The following MARCHF11 variants were observed in gnomAD, a reference collection of about 807,000 sequenced individuals.
MARCHF11 encodes the protein E3 ubiquitin-protein ligase MARCHF11.
A neutral mutation model predicts 37.3 loss-of-function variants in MARCHF11; 29 were observed. That is an observed-to-expected ratio of 0.78 (90% confidence interval 0.58 to 1.06). MARCHF11 has a LOEUF of 1.06. Ranked by LOEUF, MARCHF11 falls within the 50% of genes least tolerant of loss-of-function variation. The pLI is 0.00. For synonymous variants in MARCHF11, 233 were observed against 228.0 expected (o/e 1.02, Z -0.20); for missense variants, 482 against 533.4 (o/e 0.90, Z 0.95).
At chr5:16,138,233 C>G (rs1284934103) in intron 2 of MARCHF11, among the ~76,000 whole-genome samples, 1 of 152,126 alleles carries the variant, frequency 6.6e-6, no homozygotes, top group Non-Finnish European at 1.5e-5. Context: ...GCTCAGGGCC[C>G]CCTACTGTGT....
intron 2 of MARCHF11, among the ~76,000 whole-genome samples, chr5:16,143,712 CAA>C (rs1304220370): frequency 6.6e-6 from 1 of 152,196 alleles, no homozygotes; most frequent in Admixed American, 6.5e-5. Flanking sequence ...TATGCAAGGT[CAA>C]AGAGCAAAAG....
intron 2 of MARCHF11, among the ~76,000 whole-genome samples, chr5:16,116,805 T>C (rs989847596): frequency 6.6e-6 from 1 of 152,212 alleles, no homozygotes; most frequent in African/African-American, 2.4e-5. Flanking sequence ...GGAAAATGCA[T>C]GAACAGCATC....
At chr5:16,159,046 T>C (rs1185963900) in intron 2 of MARCHF11, among the ~76,000 whole-genome samples, 1 of 151,910 alleles carries the variant, frequency 6.6e-6, no homozygotes, top group African/African-American at 2.4e-5. Flanking sequence ...CCACAGTGTA[T>C]GCATATTCCA....
At chr5:16,083,342 G>A (rs563178753) in intron 3 of MARCHF11, among the ~76,000 whole-genome samples, 1 of 152,174 alleles carries the variant, frequency 6.6e-6, no homozygotes, top group African/African-American at 2.4e-5. Context: ...AGTCTTCAGT[G>A]GACATTTTGA....
chr5:16,121,389 A>G (rs1363473223), intron 2 of MARCHF11, among the ~76,000 whole-genome samples: 1 of 152,184 alleles, frequency 6.6e-6, no homozygotes, highest in Non-Finnish European at 1.5e-5. Flanking sequence ...ATTCATCCCT[A>G]TGTCTCCAGT....
At chr5:16,076,346 T>C (rs1490122748) in intron 3 of MARCHF11, among the ~76,000 whole-genome samples, 2 of 152,208 alleles carry the variant, frequency 1.3e-5, no homozygotes, top group African/African-American at 4.8e-5. Context: ...ATTGTTATAT[T>C]ATCTAAGTTT....
intron 1 of MARCHF11, 30 bp from the exon 2 acceptor site, chr5:16,177,911 CTG>C (rs763105828): frequency 6.4e-7 from 1 of 1,558,560 alleles, no homozygotes. Flanking sequence ...GTGTGAATAT[CTG>C]TGTCTGTGTC....
At chr5:16,146,564 C>A (rs1737798538) in intron 2 of MARCHF11, among the ~76,000 whole-genome samples, 1 of 152,130 alleles carries the variant, frequency 6.6e-6, no homozygotes, top group South Asian at 2.1e-4. Flanking sequence ...TCCTCCAATT[C>A]TATGACCTTG....
intron 2 of MARCHF11, among the ~76,000 whole-genome samples, chr5:16,140,434 T>C (rs1350239316): frequency 6.6e-6 from 1 of 152,198 alleles, no homozygotes; most frequent in African/African-American, 2.4e-5. Flanking sequence ...TATATATAGC[T>C]AATTGCCACA....
chr5:16,114,208 C>T (rs1407653347), intron 2 of MARCHF11, among the ~76,000 whole-genome samples: 1 of 152,196 alleles, frequency 6.6e-6, no homozygotes, highest in African/African-American at 2.4e-5. Context: ...ATCTTAGCTA[C>T]TGTCAACACC....
intron 2 of MARCHF11, among the ~76,000 whole-genome samples, chr5:16,126,309 TC>T (rs796896553): frequency 2.6e-5 from 4 of 152,246 alleles, no homozygotes; most frequent in African/African-American, 9.6e-5. Context: ...AGCATGGTGC[TC>T]CCCAATTCCA....
At chr5:16,072,530 G>A (rs1481712907) in intron 3 of MARCHF11, among the ~76,000 whole-genome samples, 1 of 151,884 alleles carries the variant, frequency 6.6e-6, no homozygotes, top group African/African-American at 2.4e-5. Context: ...GTGTGTGTGT[G>A]TGTGTGTGTG....
At chr5:16,156,662 G>A (rs959459808) in intron 2 of MARCHF11, among the ~76,000 whole-genome samples, 3 of 151,832 alleles carry the variant, frequency 2.0e-5, no homozygotes, top group Non-Finnish European at 4.4e-5. Flanking sequence ...GTCATTAATT[G>A]CTTAATGATG....
chr5:16,153,045 A>T (rs1406735342), intron 2 of MARCHF11, among the ~76,000 whole-genome samples: 3 of 151,974 alleles, frequency 2.0e-5, no homozygotes, highest in Non-Finnish European at 2.9e-5. Flanking sequence ...GATGTCAGGC[A>T]CTGATCCTAC....
chr5:16,132,970 A>C (rs1379197352), intron 2 of MARCHF11, among the ~76,000 whole-genome samples: 1 of 152,220 alleles, frequency 6.6e-6, no homozygotes, highest in East Asian at 1.9e-4. Flanking sequence ...GACGTAGTGA[A>C]GGAAATCTTC....
chr5:16,116,070 C>G (rs1173248538), intron 2 of MARCHF11, among the ~76,000 whole-genome samples: 1 of 152,130 alleles, frequency 6.6e-6, no homozygotes, highest in Non-Finnish European at 1.5e-5. Flanking sequence ...GCCTTTGGAA[C>G]ATGAATGTAC....
chr5:16,113,275 G>C (rs552842108), intron 2 of MARCHF11, among the ~76,000 whole-genome samples: 2 of 152,282 alleles, frequency 1.3e-5, no homozygotes, highest in African/African-American at 4.8e-5. Context: ...CAGCATTGGA[G>C]AGTAGAGGAT....
intron 2 of MARCHF11, among the ~76,000 whole-genome samples, chr5:16,160,947 T>C (rs1025544028): frequency 6.6e-6 from 1 of 152,006 alleles, no homozygotes; most frequent in Non-Finnish European, 1.5e-5. Flanking sequence ...AAAGCTCTTC[T>C]GACGTCTAAC....
At chr5:16,169,836 C>G (rs1357370188) in intron 2 of MARCHF11, among the ~76,000 whole-genome samples, 1 of 152,040 alleles carries the variant, frequency 6.6e-6, no homozygotes, top group Non-Finnish European at 1.5e-5. Flanking sequence ...TCTGAAGGGT[C>G]GGAAGTACTC....
Sources: gnomAD v4.1 joint callset for allele counts (sites outside exome capture counted in the v4.1 genomes callset) on GRCh38, gnomAD v4.1.1 for gene constraint, MANE v1.5 for transcripts, NCBI Gene and HGNC (gene_info 2026-07-23, HGNC 2026-07-21) for gene names.